The following PSPC1 variants were observed in gnomAD, a reference collection of about 807,000 sequenced individuals.
The protein encoded by PSPC1 is paraspeckle component 1, also known as paraspeckle protein 1.
A neutral mutation model predicts 51.6 loss-of-function variants in PSPC1; 14 were observed. The ratio of observed to expected loss-of-function variants is 0.27; its 90% CI spans 0.18 to 0.42. The LOEUF (loss-of-function observed/expected upper bound fraction) is 0.42. Among genes scored for constraint, PSPC1 ranks in the 10% least tolerant of loss-of-function variants. The pLI is 1.00. For synonymous variants in PSPC1, 193 were observed against 231.9 expected, an observed-to-expected ratio of 0.83 and a Z score of 1.53; for missense variants, 406 against 701.1, an observed-to-expected ratio of 0.58 and a Z score of 4.75.
At chr13:19,758,357 C>T (rs1887293260) in intron 3 of PSPC1, among the ~76,000 whole-genome samples, 1 of 130,096 alleles carries the variant, frequency 7.7e-6, no homozygotes, top group African/African-American at 2.8e-5. Context: ...TGTAAATATA[C>T]TTGTATTATT....
intron 6 of PSPC1, among the ~76,000 whole-genome samples, chr13:19,690,884 T>A (rs1878462776): frequency 6.6e-6 from 1 of 152,202 alleles, no homozygotes. Flanking sequence ...CTGCTGGCTA[T>A]TCTTACTCTG....
chr13:19,724,055 G>A (rs1883075581), intron 6 of PSPC1, among the ~76,000 whole-genome samples: 1 of 152,158 alleles, frequency 6.6e-6, no homozygotes, highest in African/African-American at 2.4e-5. Flanking sequence ...ACTTAATGAA[G>A]AGGCCATAAA....
rs1469656993 is a variant in PSPC1, at chr13:19,711,844, C to CAA, written c.1159-2247_1159-2246dup. On this transcript the variant is annotated intron_variant, in intron 6 of 8. Transcript: ENST00000338910. Reference sequence around the variant, plus strand: ...GGGTAACAAGAGCAAAACTCTGTCTCAAAAAAAAAAAAAGCTAGACTGTAA... The same window carrying CAA: ...GGGTAACAAGAGCAAAACTCTGTCTCAAAAAAAAAAAAAAAGCTAGACTGTAA... 2.0e-3 allele frequency among the ~76,000 whole-genome samples: 260 copies of CAA among 127,346 alleles called. 1 individual carries two copies. The highest frequency in any genetic ancestry group is 5.3e-3 in the African/African-American group (182 of 34,502). 83.5% of individuals were successfully genotyped at this position (127,346 alleles called of 152,430 possible).
chr13:19,777,255 C>T (rs1296224631), intron 1 of PSPC1, among the ~76,000 whole-genome samples: 1 of 150,426 alleles, frequency 6.6e-6, no homozygotes, highest in East Asian at 2.0e-4. Flanking sequence ...CATGGTGAAA[C>T]CCCATCTCTA....
intron 6 of PSPC1, among the ~76,000 whole-genome samples, chr13:19,718,227 G>T (rs1056267296): frequency 3.9e-5 from 6 of 151,906 alleles, no homozygotes; most frequent in Non-Finnish European, 5.9e-5. Context: ...GTTAGTGAGG[G>T]GTAGTTTAAA....
chr13:19,696,466 A>G (rs1459576505), intron 6 of PSPC1, among the ~76,000 whole-genome samples: 1 of 151,698 alleles, frequency 6.6e-6, no homozygotes, highest in African/African-American at 2.4e-5. Flanking sequence ...ATTGTGCTGC[A>G]TAATTTTGAG....
intron 1 of PSPC1, among the ~76,000 whole-genome samples, chr13:19,775,169 T>C (rs1189518977): frequency 6.6e-6 from 1 of 151,826 alleles, no homozygotes; most frequent in African/African-American, 2.4e-5. Flanking sequence ...AAACCCCGTC[T>C]CTACTAAAAA....
chr13:19,697,822 T>C (rs1021547190), downstream of PSPC1, among the ~76,000 whole-genome samples: 74 of 152,198 alleles, frequency 4.9e-4, no homozygotes, highest in African/African-American at 1.6e-3. Context: ...TTAATACTGA[T>C]TTACATTATC....
chr13:19,765,939 C>T (rs1435974124), intron 2 of PSPC1, among the ~76,000 whole-genome samples: 1 of 152,066 alleles, frequency 6.6e-6, no homozygotes, highest in African/African-American at 2.4e-5. Flanking sequence ...AAAGTAATCT[C>T]ATTTAATGGA....
downstream of PSPC1, among the ~76,000 whole-genome samples, chr13:19,697,602 C>G (rs995284012): frequency 2.0e-5 from 3 of 152,116 alleles, no homozygotes; most frequent in African/African-American, 7.2e-5. Flanking sequence ...ATGTGTAAAG[C>G]ATTCAAGTCT....
intron 6 of PSPC1, among the ~76,000 whole-genome samples, chr13:19,723,863 A>G (rs1428944983): frequency 6.6e-6 from 1 of 152,240 alleles, no homozygotes; most frequent in Admixed American, 6.5e-5. Context: ...ACTAGTCACA[A>G]CTAGAACATT....
chr13:19,686,313 G>A (rs762243593), intron 6 of PSPC1, among the ~76,000 whole-genome samples: 10 of 152,066 alleles, frequency 6.6e-5, no homozygotes, highest in African/African-American at 1.9e-4. Context: ...GACAAAAATC[G>A]TACTCTTTCT....
At chr13:19,679,487 C>T (rs1182365299) in intron 6 of PSPC1, among the ~76,000 whole-genome samples, 9 of 152,032 alleles carry the variant, frequency 5.9e-5, no homozygotes, top group Non-Finnish European at 1.5e-5. Context: ...CAGAGCAAGA[C>T]CCTTTCTCAA....
intron 3 of PSPC1, among the ~76,000 whole-genome samples, chr13:19,753,058 G>A (rs1387399428): frequency 1.3e-5 from 2 of 151,340 alleles, no homozygotes; most frequent in South Asian, 2.1e-4. Flanking sequence ...TGAGACAGGC[G>A]GATCACAACA....
At chr13:19,718,685 G>GTTTA (rs1414391420) in intron 6 of PSPC1, among the ~76,000 whole-genome samples, 27 of 146,164 alleles carry the variant, frequency 1.8e-4, no homozygotes, top group African/African-American at 6.7e-4. Context: ...ACACATGAAT[G>GTTTA]TTTATAGCAG....
intron 6 of PSPC1, among the ~76,000 whole-genome samples, chr13:19,683,494 G>A (rs911976814): frequency 2.2e-4 from 33 of 152,310 alleles, no homozygotes; most frequent in African/African-American, 7.2e-4. Context: ...CAACAGTGAC[G>A]TCCTCTGACG....
At chr13:19,764,663 GT>G (rs1887888935) in intron 2 of PSPC1, among the ~76,000 whole-genome samples, 1 of 126,832 alleles carries the variant, frequency 7.9e-6, no homozygotes, top group Non-Finnish European at 1.6e-5. Context: ...TCCAACCTGG[GT>G]AAGAGCAGAA....
At chr13:19,781,373 A>T (rs534684479) in intron 1 of PSPC1, among the ~76,000 whole-genome samples, 11 of 151,876 alleles carry the variant, frequency 7.2e-5, no homozygotes, top group Middle Eastern at 3.4e-3. Context: ...GCTTGTTCAA[A>T]TTTTTTTTAA....
At position 19,724,319 on chromosome 13, in the gene PSPC1, A is replaced by AT. The variant is rs528591448; in HGVS notation, c.1158+5919dup. 6.5e-3 allele frequency among the ~76,000 whole-genome samples: 976 copies of AT among 149,076 alleles called. 14 individuals carry two copies. Among genetic ancestry groups the AT allele is most frequent in the South Asian group, 0.057 (267 of 4,708 alleles). Reference sequence around the variant, plus strand: ...TTCTCTGACAGCATAAATTAATGGAATTTTTTTTTTTACCAGATAGAGTTT... The same window carrying AT: ...TTCTCTGACAGCATAAATTAATGGAATTTTTTTTTTTTACCAGATAGAGTTT... On this transcript the variant is annotated intron_variant, in intron 6 of 8. Coordinates refer to ENST00000338910, the MANE Select transcript of PSPC1 (RefSeq NM_001354909.2).
Sources: gnomAD v4.1 joint callset for allele counts (sites outside exome capture counted in the v4.1 genomes callset) on GRCh38, gnomAD v4.1.1 for gene constraint, MANE v1.5 for transcripts, NCBI Gene and HGNC (gene_info 2026-07-23, HGNC 2026-07-21) for gene names.